Variants in IL1RAPL1 observed in about 807,000 individuals in gnomAD.
IL1RAPL1 encodes interleukin-1 receptor accessory protein-like 1.
A neutral mutation model predicts 48.4 loss-of-function variants in IL1RAPL1; 3 were observed. The ratio of observed to expected loss-of-function variants is 0.06; its 90% CI spans 0.03 to 0.16. The LOEUF is 0.16. Among genes scored for constraint, IL1RAPL1 ranks in the 10% least tolerant of loss-of-function variants. The probability of loss-of-function intolerance (pLI) is 1.00; values close to 1 mark genes in which losing one functional copy is unlikely to be tolerated. For synonymous variants in IL1RAPL1, 185 were observed against 187.7 expected, an observed-to-expected ratio of 0.99 and a Z score of 0.12; for missense variants, 349 against 530.6, an observed-to-expected ratio of 0.66 and a Z score of 3.36.
chrX:29,920,944 A>AT (rs754503439), intron 8 of IL1RAPL1, among the ~76,000 whole-genome samples: 5 of 109,215 alleles, frequency 4.6e-5, no homozygotes, highest in Non-Finnish European at 3.8e-5. Flanking sequence ...CCACTGCAGT[A>AT]TTTTTTGACA....
intron 2 of IL1RAPL1, among the ~76,000 whole-genome samples, chrX:29,208,779 A>C (rs5985826): frequency 0.065 from 7,161 of 109,484 alleles, 604 homozygotes; most frequent in African/African-American, 0.22. Flanking sequence ...TTTCTTCATT[A>C]GTACTTCTCA....
At chrX:29,252,292 A>G (rs1374564691) in intron 2 of IL1RAPL1, among the ~76,000 whole-genome samples, 1 of 113,699 alleles carries the variant, frequency 8.8e-6, no homozygotes, top group East Asian at 2.7e-4. Context: ...AGAAAAAAAA[A>G]AAGAAAATCA....
Position 29,373,867 on chromosome X carries a change from A to ATTT in IL1RAPL1, c.363-22367_363-22365dup, listed in dbSNP as rs59750110. Among the ~76,000 whole-genome samples the ATTT allele has an allele frequency of 6.5e-4, 14 of 21,648 alleles. 3 individuals are homozygous for ATTT. The highest frequency in any genetic ancestry group is 2.8e-3 in the African/African-American group (13 of 4,663). 18.8% of individuals were successfully genotyped at this position (21,648 alleles called of 115,157 possible). A position where few individuals can be genotyped will look rare whatever the true frequency, so the allele number is the denominator to read the frequency against. On this transcript the variant is annotated intron_variant, in intron 3 of 10. Coordinates refer to ENST00000378993, the MANE Select transcript of IL1RAPL1 (RefSeq NM_014271.4). ...TTTGTTGTGATGACCTCTCTTTTTAATTTTTTTTTTTTTTTTTTTTTTTTT... is the reference window on the plus strand; with the variant it reads ...TTTGTTGTGATGACCTCTCTTTTTAATTTTTTTTTTTTTTTTTTTTTTTTTTTT...
intron 5 of IL1RAPL1, among the ~76,000 whole-genome samples, chrX:29,492,153 G>C (rs778872983): frequency 2.1e-4 from 24 of 112,068 alleles, no homozygotes; most frequent in Non-Finnish European, 3.9e-4. Flanking sequence ...CCTAGCTTCT[G>C]AGTTATCTTG....
chrX:29,691,013 T>C (rs1277609606), intron 6 of IL1RAPL1, among the ~76,000 whole-genome samples: 3 of 96,274 alleles, frequency 3.1e-5, no homozygotes, highest in Non-Finnish European at 6.4e-5. Context: ...GAAAAAAAGT[T>C]AATTGATTCA....
intron 2 of IL1RAPL1, among the ~76,000 whole-genome samples, chrX:29,068,471 C>CCTTGCAGA (rs1927495242): frequency 8.9e-6 from 1 of 111,809 alleles, no homozygotes; most frequent in South Asian, 3.7e-4. Context: ...TGCAGAAACA[C>CCTTGCAGA]AAAAAACAAA....
At chrX:29,179,583 A>T (rs1476034518) in intron 2 of IL1RAPL1, among the ~76,000 whole-genome samples, 1 of 111,325 alleles carries the variant, frequency 9.0e-6, no homozygotes, top group African/African-American at 3.3e-5. Flanking sequence ...ATGATCCTGG[A>T]TTATCTGGGT....
intron 2 of IL1RAPL1, among the ~76,000 whole-genome samples, chrX:29,224,530 CTCTT>C (rs937390137): frequency 2.7e-5 from 3 of 111,825 alleles, no homozygotes; most frequent in South Asian, 3.7e-4. Context: ...CTCTTGTTCT[CTCTT>C]TCTATCTATT....
At chrX:29,276,643 A>G (rs1569597) in intron 2 of IL1RAPL1, among the ~76,000 whole-genome samples, 53,287 of 110,319 alleles carry the variant, frequency 0.48, 10,424 homozygotes, top group Non-Finnish European at 0.62. Context: ...ATATATAGAT[A>G]TGGAAATAGC....
At chrX:28,832,822 A>ATTTTT (rs199869467) in intron 2 of IL1RAPL1, among the ~76,000 whole-genome samples, 1 of 80,419 alleles carries the variant, frequency 1.2e-5, no homozygotes, top group Admixed American at 1.4e-4. Context: ...ATTTTTTTCA[A>ATTTTT]TTTTTTTTTT....
At chrX:28,994,045 A>G (rs146784261) in intron 2 of IL1RAPL1, among the ~76,000 whole-genome samples, 2,233 of 110,809 alleles carry the variant, frequency 0.02, 28 homozygotes, top group Middle Eastern at 0.057. Context: ...TCATTCTGGT[A>G]CATTCTAGAA....
At chrX:29,172,032 C>T (rs764076865) in intron 2 of IL1RAPL1, among the ~76,000 whole-genome samples, 1 of 111,965 alleles carries the variant, frequency 8.9e-6, no homozygotes, top group African/African-American at 3.2e-5. Flanking sequence ...CTTTAATAAC[C>T]CAAGGTATTT....
At chrX:29,873,205 T>C (rs1268984982) in intron 6 of IL1RAPL1, among the ~76,000 whole-genome samples, 1 of 109,776 alleles carries the variant, frequency 9.1e-6, no homozygotes, top group Admixed American at 9.6e-5. Context: ...CTCTCTTTTA[T>C]GTAGCAAATA....
intron 5 of IL1RAPL1, among the ~76,000 whole-genome samples, chrX:29,552,680 A>T (rs2147788456): frequency 9.0e-6 from 1 of 110,883 alleles, no homozygotes; most frequent in South Asian, 3.8e-4. Flanking sequence ...CTTTTCACTC[A>T]TAGTTTAGCA....
At chrX:29,243,127 C>T (rs1316869154) in intron 2 of IL1RAPL1, among the ~76,000 whole-genome samples, 1 of 112,145 alleles carries the variant, frequency 8.9e-6, no homozygotes, top group African/African-American at 3.2e-5. Flanking sequence ...CATCTCCAGT[C>T]TTTCTGTTTA....
intron 1 of IL1RAPL1, among the ~76,000 whole-genome samples, chrX:28,784,087 A>G (rs914632608): frequency 2.7e-5 from 3 of 112,190 alleles, no homozygotes; most frequent in Admixed American, 9.5e-5. Context: ...GCCAAAGCTT[A>G]TGATTTAGAC....
chrX:28,976,114 G>C (rs1363200406), intron 2 of IL1RAPL1, among the ~76,000 whole-genome samples: 1 of 112,063 alleles, frequency 8.9e-6, no homozygotes, highest in Admixed American at 9.5e-5. Context: ...TGAGTAAAAT[G>C]GGATGTGAAT....
chrX:29,286,737 C>T (rs1932288214), intron 3 of IL1RAPL1, among the ~76,000 whole-genome samples: 1 of 111,625 alleles, frequency 9.0e-6, no homozygotes, highest in African/African-American at 3.3e-5. Context: ...TATTCTTGAC[C>T]TCCAACTTTT....
At chrX:29,750,848 G>A (rs1050074045) in intron 6 of IL1RAPL1, among the ~76,000 whole-genome samples, 6 of 111,015 alleles carry the variant, frequency 5.4e-5, no homozygotes, top group African/African-American at 2.0e-4. Flanking sequence ...CGAAACATAT[G>A]TGCCTGCCAT....
Sources: allele counts gnomAD v4.1 joint callset (sites outside exome capture counted in the v4.1 genomes callset), GRCh38; gene constraint gnomAD v4.1.1; transcripts MANE v1.5; gene names NCBI Gene and HGNC (gene_info 2026-07-23, HGNC 2026-07-21).